Variants in MAGI2 observed in about 807,000 individuals in gnomAD.
MAGI2 encodes membrane associated guanylate kinase, WW and PDZ domain containing 2, also known as membrane-associated guanylate kinase, WW and PDZ domain-containing protein 2.
A neutral mutation model predicts 133.3 loss-of-function variants in MAGI2; 35 were observed. The ratio of observed to expected loss-of-function variants is 0.26; its 90% CI spans 0.20 to 0.35. The LOEUF is 0.35. MAGI2 is among the 10% of genes least tolerant of loss of function. MAGI2 has a pLI of 1.00. For missense variants in MAGI2, 1,636 were observed against 1,863.4 expected (o/e 0.88, Z 2.25); for synonymous variants, 729 against 710.6 (o/e 1.03, Z -0.41).
At chr7:78,411,605 G>A (rs942498596) in intron 6 of MAGI2, among the ~76,000 whole-genome samples, 16 of 151,892 alleles carry the variant, frequency 1.1e-4, no homozygotes, top group African/African-American at 4.8e-5. Flanking sequence ...ATTCTCAGAC[G>A]AAAGTGATAA....
intron 5 of MAGI2, among the ~76,000 whole-genome samples, chr7:78,491,567 A>T (rs1793605699): frequency 6.6e-6 from 1 of 152,100 alleles, no homozygotes; most frequent in Non-Finnish European, 1.5e-5. Context: ...TCAAATAATA[A>T]ATCAACAGGA....
chr7:78,151,695 G>A (rs1260476645), intron 16 of MAGI2, among the ~76,000 whole-genome samples: 6 of 152,122 alleles, frequency 3.9e-5, no homozygotes, highest in Admixed American at 6.6e-5. Context: ...ACATTGCTCC[G>A]GTTCTGCTTT....
intron 1 of MAGI2, among the ~76,000 whole-genome samples, chr7:79,166,504 T>C (rs2129548164): frequency 6.6e-6 from 1 of 152,188 alleles, no homozygotes; most frequent in Non-Finnish European, 1.5e-5. Flanking sequence ...GGCAGAGAAC[T>C]CAGCTAACCA....
At chr7:78,328,766 G>A (rs1351298303) in intron 9 of MAGI2, among the ~76,000 whole-genome samples, 1 of 151,924 alleles carries the variant, frequency 6.6e-6, no homozygotes, top group African/African-American at 2.4e-5. Context: ...TCTCTCATGA[G>A]GACACGGGAG....
At chr7:78,499,755 C>T (rs1794453971) in intron 5 of MAGI2, among the ~76,000 whole-genome samples, 3 of 152,188 alleles carry the variant, frequency 2.0e-5, no homozygotes, top group Admixed American at 2.0e-4. Context: ...CCTTACTCCC[C>T]TTGTCTTATA....
At chr7:79,251,461 A>G (rs976145369) in intron 1 of MAGI2, among the ~76,000 whole-genome samples, 5 of 152,118 alleles carry the variant, frequency 3.3e-5, no homozygotes, top group Non-Finnish European at 7.4e-5. Context: ...AAAGGGACAT[A>G]CAAATGGCAA....
chr7:78,842,652 A>G (rs960621229), intron 2 of MAGI2, among the ~76,000 whole-genome samples: 5 of 151,884 alleles, frequency 3.3e-5, no homozygotes, highest in Non-Finnish European at 7.4e-5. Context: ...TAGTAGATGT[A>G]TAATAAATTA....
rs1388845893 is a variant in MAGI2, at chr7:78,018,307, T to C, written c.*1008A>G. On this transcript the variant is annotated 3_prime_UTR_variant, in exon 22 of 22. Coordinates refer to ENST00000354212, the MANE Select transcript of MAGI2 (RefSeq NM_012301.4). ...AAATATAAGACAAATACTCTGCCTC[T>C]GCTCTGTCAAAGTGCAAATGAAGTC... is the stretch of plus-strand genomic sequence containing the variant. The C allele has an allele frequency of 6.6e-6, 1 of 152,664 alleles. No homozygotes were observed. Among genetic ancestry groups the C allele is most frequent in the Non-Finnish European group, 1.5e-5 (1 of 68,048 alleles). The allele number at this position is 152,664 out of a possible 1,614,324, so 9.5% of individuals were successfully genotyped here. A position where few individuals can be genotyped will look rare whatever the true frequency, so the allele number is the denominator to read the frequency against.
At chr7:79,391,540 CATATAT>C (rs1198335417) in intron 1 of MAGI2, among the ~76,000 whole-genome samples, 1 of 46,704 alleles carries the variant, frequency 2.1e-5, no homozygotes, top group Non-Finnish European at 3.5e-5. Context: ...TATATATAGA[CATATAT>C]ATATATATAT....
At chr7:78,970,466 GCTGA>G (rs1310925152) in intron 2 of MAGI2, among the ~76,000 whole-genome samples, 1 of 151,970 alleles carries the variant, frequency 6.6e-6, no homozygotes, top group East Asian at 1.9e-4. Context: ...GATCCCCTAT[GCTGA>G]CTCTCATTTC....
At chr7:78,410,623 T>C (rs1210173562) in intron 6 of MAGI2, among the ~76,000 whole-genome samples, 1 of 152,036 alleles carries the variant, frequency 6.6e-6, no homozygotes, top group Non-Finnish European at 1.5e-5. Flanking sequence ...GATGAAGAAA[T>C]AAATCCATAA....
At chr7:78,167,734 G>T (rs1825748496) in intron 15 of MAGI2, among the ~76,000 whole-genome samples, 182 bp downstream of exon 15, 1 of 152,122 alleles carries the variant, frequency 6.6e-6, no homozygotes, top group Non-Finnish European at 1.5e-5. Context: ...CTGGATTTTT[G>T]TCCAGTGGGG....
intron 10 of MAGI2, among the ~76,000 whole-genome samples, chr7:78,204,930 AT>A (rs1485543299): frequency 1.3e-5 from 2 of 152,212 alleles, no homozygotes; most frequent in Admixed American, 1.3e-4. Context: ...CACCTGTAAA[AT>A]CTGTCTTCTT....
At chr7:78,689,585 C>A (rs1482838808) in intron 2 of MAGI2, among the ~76,000 whole-genome samples, 22 of 151,678 alleles carry the variant, frequency 1.5e-4, no homozygotes, top group Non-Finnish European at 3.2e-4. Context: ...GACCGTCAGG[C>A]AACTATTAAT....
In MAGI2 at chr7:78,727,490, GTTC is replaced by G. The variant is rs1187872752; in HGVS notation, c.419-100254_419-100252del. On this transcript the variant is annotated intron_variant, in intron 2 of 21. Transcript: ENST00000354212. Reference sequence around the variant, plus strand: ...TCAGAACTTTCAAGGCAATTGTGTAGTTCTTTATTAATGAAGAATTTTCATGGA... The same window carrying G: ...TCAGAACTTTCAAGGCAATTGTGTAGTTTATTAATGAAGAATTTTCATGGA... 3.3e-5 allele frequency among the ~76,000 whole-genome samples: 5 copies of G among 152,176 alleles called. No individual in the cohort carries two copies. In the East Asian group the frequency reaches 7.7e-4, roughly 23 times the overall value.
At chr7:79,027,077 G>T (rs1395430182) in intron 1 of MAGI2, among the ~76,000 whole-genome samples, 1 of 151,958 alleles carries the variant, frequency 6.6e-6, no homozygotes, top group African/African-American at 2.4e-5. Context: ...TGGTGAAAAG[G>T]GAATCTTTGT....
chr7:78,569,930 A>G (rs1801335192), intron 3 of MAGI2, among the ~76,000 whole-genome samples: 1 of 152,178 alleles, frequency 6.6e-6, no homozygotes, highest in African/African-American at 2.4e-5. Flanking sequence ...TTGCTCAGCA[A>G]TTTGTTTTTG....
chr7:79,166,771 A>T (rs111383442), intron 1 of MAGI2, among the ~76,000 whole-genome samples: 2,226 of 152,166 alleles, frequency 0.015, 58 homozygotes, highest in African/African-American at 0.05. Context: ...AATCAGTAAG[A>T]CTAATTTTTT....
At chr7:78,306,492 T>G (rs2151085331) in intron 9 of MAGI2, among the ~76,000 whole-genome samples, 1 of 152,338 alleles carries the variant, frequency 6.6e-6, no homozygotes, top group East Asian at 1.9e-4. Context: ...AATAAAGTGC[T>G]ATCTAGAGTG....
Sources: allele counts gnomAD v4.1 joint callset (sites outside exome capture counted in the v4.1 genomes callset), GRCh38; gene constraint gnomAD v4.1.1; transcripts MANE v1.5; gene names NCBI Gene and HGNC (gene_info 2026-07-23, HGNC 2026-07-21).